YAP1: variants seen among roughly 807,000 people sequenced by gnomAD.
YAP1 encodes Yes1 associated transcriptional regulator.
In YAP1, 5 loss-of-function variants were observed where a neutral mutation model predicts 56.9. The observed-to-expected ratio is 0.09, with a 90% CI of 0.05 to 0.18. YAP1 has a LOEUF of 0.18. Among genes scored for constraint, YAP1 ranks in the 10% least tolerant of loss-of-function variants. The pLI is 1.00. For synonymous variants in YAP1, 265 were observed against 248.1 expected (o/e 1.07, Z -0.64); for missense variants, 539 against 651.8 (o/e 0.83, Z 1.88).
chr11:102,121,531 G>C (rs1943651766), intron 2 of YAP1, among the ~76,000 whole-genome samples: 1 of 151,888 alleles, frequency 6.6e-6, no homozygotes, highest in Non-Finnish European at 1.5e-5. Flanking sequence ...ATCTTGTGCT[G>C]TCCAGTCTGG....
At chr11:102,209,594 G>GAA (rs35731181) in intron 6 of YAP1, 30 bp downstream of exon 6, 817 of 1,314,084 alleles carry the variant, frequency 6.2e-4, no homozygotes, top group Admixed American at 4.2e-3. Flanking sequence ...TTTAGCACTG[G>GAA]AAAAAAAAAA....
At chr11:102,163,527 T>C (rs1307213410) in intron 3 of YAP1, among the ~76,000 whole-genome samples, 1 of 152,180 alleles carries the variant, frequency 6.6e-6, no homozygotes, top group Non-Finnish European at 1.5e-5. Flanking sequence ...ACCACTCCCC[T>C]GGCCCCCACG....
chr11:102,209,263 T>A (rs1469723470), intron 5 of YAP1, among the ~76,000 whole-genome samples: 4 of 152,194 alleles, frequency 2.6e-5, no homozygotes, highest in African/African-American at 9.7e-5. Flanking sequence ...ACGTGACCAA[T>A]ATCAAATTTT....
At chr11:102,213,582 A>G (rs568306646) in intron 6 of YAP1, among the ~76,000 whole-genome samples, 1 of 152,322 alleles carries the variant, frequency 6.6e-6, no homozygotes. Context: ...GTCTGTGGTC[A>G]GTAGCCTTTT....
rs976397906 is a variant in YAP1, at chr11:102,232,854, A to G, written c.*2914A>G. The G allele has an allele frequency of 6.6e-6, 1 of 152,602 alleles. No homozygotes were observed. Among genetic ancestry groups the G allele is most frequent in the African/African-American group, 2.4e-5 (1 of 41,452 alleles). The allele number at this position is 152,602 out of a possible 1,614,324, so 9.5% of individuals were successfully genotyped here. A position where few individuals can be genotyped will look rare whatever the true frequency, so the allele number is the denominator to read the frequency against. Reference sequence around the variant, plus strand: ...ATCTTCCAAAGCACTATTTGTTGTAATAACTTTTCTAAATGTAGTGCCTTT... The same window carrying G: ...ATCTTCCAAAGCACTATTTGTTGTAGTAACTTTTCTAAATGTAGTGCCTTT... On this transcript the variant is annotated 3_prime_UTR_variant, in exon 9 of 9. Coordinates refer to ENST00000282441, the MANE Select transcript of YAP1 (RefSeq NM_001130145.3).
intron 2 of YAP1, among the ~76,000 whole-genome samples, chr11:102,157,806 GTGTC>G (rs1287165150): frequency 6.6e-6 from 1 of 152,154 alleles, no homozygotes; most frequent in Admixed American, 6.5e-5. Context: ...AAAAAATTCA[GTGTC>G]TGAGCAGGTC....
chr11:102,129,468 A>C (rs1200876697), intron 2 of YAP1, among the ~76,000 whole-genome samples: 1 of 151,916 alleles, frequency 6.6e-6, no homozygotes, highest in Non-Finnish European at 1.5e-5. Context: ...AAACACAAAA[A>C]TTAGCTGTGC....
chr11:102,208,488 A>G (rs1949232681), intron 5 of YAP1, among the ~76,000 whole-genome samples: 1 of 152,166 alleles, frequency 6.6e-6, no homozygotes, highest in Admixed American at 6.5e-5. Flanking sequence ...ATGTTTCTTT[A>G]TCTGACATAA....
chr11:102,221,421 T>C (rs1265961630), intron 6 of YAP1, among the ~76,000 whole-genome samples: 1 of 152,172 alleles, frequency 6.6e-6, no homozygotes, highest in Non-Finnish European at 1.5e-5. Context: ...TTCTTTTTAA[T>C]GTATAAATAA....
chr11:102,216,987 G>T (rs188424386), intron 6 of YAP1, among the ~76,000 whole-genome samples: 1 of 152,238 alleles, frequency 6.6e-6, no homozygotes, highest in African/African-American at 2.4e-5. Context: ...AGCTAATGTG[G>T]GACACATTTG....
At chr11:102,137,608 C>T (rs1944754398) in intron 2 of YAP1, among the ~76,000 whole-genome samples, 1 of 152,208 alleles carries the variant, frequency 6.6e-6, no homozygotes, top group Admixed American at 6.5e-5. Context: ...TTTGCTGCCT[C>T]TCCCTGCTCC....
chr11:102,162,980 T>A (rs536914944), intron 3 of YAP1, among the ~76,000 whole-genome samples: 1 of 38,412 alleles, frequency 2.6e-5, no homozygotes, highest in Admixed American at 6.0e-4. Context: ...TTATTATTTT[T>A]TTTTTCATTT....
intron 2 of YAP1, among the ~76,000 whole-genome samples, chr11:102,148,230 C>A (rs1011873301): frequency 6.6e-6 from 1 of 152,146 alleles, no homozygotes. Context: ...GAGATTGCAG[C>A]TTTGATCTCT....
At chr11:102,170,049 G>A (rs1946820210) in intron 3 of YAP1, among the ~76,000 whole-genome samples, 1 of 152,162 alleles carries the variant, frequency 6.6e-6, no homozygotes, top group Admixed American at 6.6e-5. Context: ...TGAAGTCTTT[G>A]TTAAACCCAG....
intron 2 of YAP1, among the ~76,000 whole-genome samples, chr11:102,154,455 T>G (rs980623969): frequency 1.3e-5 from 2 of 152,136 alleles, no homozygotes; most frequent in Non-Finnish European, 2.9e-5. Flanking sequence ...AGCATTTATT[T>G]TCTTTAAAAA....
intron 5 of YAP1, among the ~76,000 whole-genome samples, chr11:102,207,850 G>A (rs905697558): frequency 1.2e-4 from 19 of 152,188 alleles, no homozygotes; most frequent in African/African-American, 4.3e-4. Flanking sequence ...AACATACGAT[G>A]TCAGGAACTT....
chr11:102,212,724 G>C (rs1051646246), intron 6 of YAP1, among the ~76,000 whole-genome samples: 2 of 152,078 alleles, frequency 1.3e-5, no homozygotes, highest in African/African-American at 4.8e-5. Flanking sequence ...TGGGATTACA[G>C]GCATTCGCCA....
chr11:102,156,776 T>C (rs1945976245), intron 2 of YAP1, among the ~76,000 whole-genome samples: 1 of 151,638 alleles, frequency 6.6e-6, no homozygotes, highest in Non-Finnish European at 1.5e-5. Flanking sequence ...TTGAGAGAAC[T>C]GTGCTTGCTT....
intron 3 of YAP1, among the ~76,000 whole-genome samples, chr11:102,183,702 C>CTGTG (rs140546191): frequency 0.047 from 6,705 of 141,730 alleles, 176 homozygotes; most frequent in South Asian, 0.058. Context: ...AATGCTGTTT[C>CTGTG]TGTGTGTGTG....
Sources: gnomAD v4.1 joint callset for allele counts (sites outside exome capture counted in the v4.1 genomes callset) on GRCh38, gnomAD v4.1.1 for gene constraint, MANE v1.5 for transcripts, NCBI Gene and HGNC (gene_info 2026-07-23, HGNC 2026-07-21) for gene names.